SPATA6L: variants seen among roughly 807,000 people sequenced by gnomAD.
SPATA6L encodes the protein spermatogenesis associated 6-like protein.
In SPATA6L, 68 loss-of-function variants were observed where a neutral mutation model predicts 49.2. The observed-to-expected ratio is 1.38, with a 90% CI of 1.14 to 1.69. The LOEUF is 1.69. SPATA6L is among the 40% of genes most tolerant of loss of function. The probability of loss-of-function intolerance (pLI) is 0.00; values close to 1 mark genes in which losing one functional copy is unlikely to be tolerated. For missense variants in SPATA6L, 668 were observed against 464.3 expected, an observed-to-expected ratio of 1.44 and a Z score of -4.03; for synonymous variants, 198 against 165.7, an observed-to-expected ratio of 1.19 and a Z score of -1.50.
intron 3 of SPATA6L, among the ~76,000 whole-genome samples, chr9:4,647,840 T>TG (rs139858297): frequency 9.9e-5 from 14 of 141,912 alleles, no homozygotes; most frequent in South Asian, 2.2e-4. Flanking sequence ...TTTTAGTTTT[T>TG]TTTTTTTTTT....
At chr9:4,626,598 G>A (rs1271328060) in intron 5 of SPATA6L, 2 of 1,269,492 alleles carry the variant, frequency 1.6e-6, no homozygotes, top group Non-Finnish European at 2.1e-6. Context: ...TGTCATTTCA[G>A]TGTTCCCCTT....
intron 4 of SPATA6L, among the ~76,000 whole-genome samples, chr9:4,630,367 T>C (rs1426249516): frequency 6.6e-6 from 1 of 152,174 alleles, no homozygotes; most frequent in Non-Finnish European, 1.5e-5. Flanking sequence ...TTTCCCCAAA[T>C]TTACAAGGTT....
chr9:4,648,965 T>G (rs993695736), intron 3 of SPATA6L, among the ~76,000 whole-genome samples: 1 of 152,134 alleles, frequency 6.6e-6, no homozygotes, highest in Non-Finnish European at 1.5e-5. Flanking sequence ...CTTAGAATAA[T>G]AGTCTCCAAT....
intron 5 of SPATA6L, chr9:4,628,322 G>C (rs1179490049): frequency 6.2e-6 from 1 of 161,866 alleles, no homozygotes; most frequent in Non-Finnish European, 1.4e-5. Flanking sequence ...ACCTTGATGT[G>C]ATTATTACAT....
chr9:4,621,756 G>A (rs1829355660), intron 7 of SPATA6L, among the ~76,000 whole-genome samples: 1 of 152,208 alleles, frequency 6.6e-6, no homozygotes, highest in Admixed American at 6.5e-5. Flanking sequence ...CCGAAGTGCT[G>A]GGATTACAGG....
At chr9:4,661,769 G>T in intron 2 of SPATA6L, 130 bp downstream of exon 2, 13 of 887,682 alleles carry the variant, frequency 1.5e-5, no homozygotes, top group Admixed American at 4.1e-5. Context: ...GTTTTGCATT[G>T]TGCTGAAGTG....
intron 5 of SPATA6L, chr9:4,627,356 T>C (rs1830547059): frequency 6.2e-6 from 1 of 160,834 alleles, no homozygotes; most frequent in African/African-American, 2.4e-5. Flanking sequence ...TTCCTTAAAA[T>C]TAATCATTGG....
chr9:4,661,830 A>G, intron 2 of SPATA6L, 69 bp downstream of exon 2: 4 of 1,556,992 alleles, frequency 2.6e-6, no homozygotes, highest in Non-Finnish European at 3.5e-6. Context: ...TGCTGTAAGA[A>G]CTCTGTTCTT....
downstream of SPATA6L, among the ~76,000 whole-genome samples, chr9:4,594,494 G>T (rs1822112648): frequency 6.6e-6 from 1 of 152,312 alleles, no homozygotes; most frequent in South Asian, 2.1e-4. Context: ...TTACAGGTGT[G>T]AGCCACCGCG....
chr9:4,624,036 C>T (rs1829883101), intron 6 of SPATA6L, among the ~76,000 whole-genome samples: 1 of 152,204 alleles, frequency 6.6e-6, no homozygotes, highest in Admixed American at 6.5e-5. Flanking sequence ...GTTATCTCAA[C>T]AGCACCTTCA....
At chr9:4,630,336 C>T in intron 4 of SPATA6L, among the ~76,000 whole-genome samples, 1 of 152,230 alleles carries the variant, frequency 6.6e-6, no homozygotes, top group Non-Finnish European at 1.5e-5. Flanking sequence ...AAAAAACAGG[C>T]CTAAAGAGAC....
chr9:4,641,401 A>C (rs1834008834), intron 3 of SPATA6L, among the ~76,000 whole-genome samples: 1 of 152,184 alleles, frequency 6.6e-6, no homozygotes, highest in African/African-American at 2.4e-5. Context: ...TAATAATAAA[A>C]CATTAAAAAT....
Position 4,629,767 on chromosome 9 carries a change from G to GTATATATATATA in SPATA6L, c.352-600_352-599insTATATATATATA, listed in dbSNP as rs1423783733. 2.7e-3 allele frequency among the ~76,000 whole-genome samples: 241 copies of GTATATATATATA among 88,792 alleles called. 1 individual carries two copies. Among genetic ancestry groups the GTATATATATATA allele is most frequent in the African/African-American group, 0.015 (233 of 15,550 alleles). The allele number at this position is 88,792 out of a possible 152,430, so 58.3% of individuals were successfully genotyped here. ...TTGTGTTTTATATATGTGTGTGTGT[G>GTATATATATATA]TGTATATATATATATATATATATAT... is the stretch of plus-strand genomic sequence containing the variant. On this transcript the variant is annotated intron_variant, in intron 4 of 11. Transcript: ENST00000682582.
At chr9:4,663,126 G>T in intron 1 of SPATA6L, 1 of 1,614,098 alleles carries the variant, frequency 6.2e-7, no homozygotes, top group East Asian at 2.2e-5. Context: ...CCTATCCAGG[G>T]TCATGCTGGG....
chr9:4,652,107 GA>G (rs1172649941), intron 3 of SPATA6L, among the ~76,000 whole-genome samples: 1 of 152,156 alleles, frequency 6.6e-6, no homozygotes, highest in Non-Finnish European at 1.5e-5. Context: ...ATGTTTTCAG[GA>G]TAAAATATCA....
At chr9:4,606,173 T>C (rs1179429384) in intron 9 of SPATA6L, among the ~76,000 whole-genome samples, 18 of 151,306 alleles carry the variant, frequency 1.2e-4, no homozygotes, top group Non-Finnish European at 2.1e-4. Context: ...CGCTGATTGC[T>C]AGCACAGCAG....
At chr9:4,627,664 A>T (rs1791761458) in intron 5 of SPATA6L, 1 of 1,128,438 alleles carries the variant, frequency 8.9e-7, no homozygotes. Context: ...ACAGAAAGAA[A>T]TTGGGGTGAG....
At chr9:4,652,149 G>C (rs769893416) in intron 3 of SPATA6L, among the ~76,000 whole-genome samples, 3 of 152,140 alleles carry the variant, frequency 2.0e-5, no homozygotes, top group African/African-American at 7.2e-5. Flanking sequence ...GGCCAGGCGC[G>C]GTGGCTAACG....
chr9:4,656,755 C>T lies in SPATA6L; in HGVS notation c.178-666G>A, dbSNP rs566235644. ...CTACTGTTTGTTGCTAAAAGCCCAT[C>T]TTAAATCAACCCCAGAGTGTTGTTT... On this transcript the variant is annotated intron_variant, in intron 2 of 11. Transcript: ENST00000682582. Among the ~76,000 whole-genome samples the T allele has an allele frequency of 1.4e-4, 21 of 152,306 alleles. 1 individual carries two copies. Among genetic ancestry groups the T allele is most frequent in the East Asian group, 3.9e-4 (2 of 5,188 alleles).
Sources: gnomAD v4.1 joint callset for allele counts (sites outside exome capture counted in the v4.1 genomes callset) on GRCh38, gnomAD v4.1.1 for gene constraint, MANE v1.5 for transcripts, NCBI Gene and HGNC (gene_info 2026-07-23, HGNC 2026-07-21) for gene names.